The following TMEM196 variants were observed in gnomAD, a reference collection of about 807,000 sequenced individuals.
TMEM196 encodes the protein transmembrane protein 196.
TMEM196 carries 17 observed loss-of-function variants against 20.0 expected under a neutral mutation model. That is an observed-to-expected ratio of 0.85 (90% confidence interval 0.58 to 1.27). The LOEUF (loss-of-function observed/expected upper bound fraction) is 1.27. Among genes scored for constraint, TMEM196 ranks in the 50% most tolerant of loss-of-function variants. The pLI is 0.00. For synonymous variants in TMEM196, 113 were observed against 88.9 expected (o/e 1.27, Z -1.52); for missense variants, 267 against 223.0 (o/e 1.20, Z -1.26).
At chr7:19,760,248 T>C (rs1785383102) in intron 1 of TMEM196, among the ~76,000 whole-genome samples, 1 of 152,022 alleles carries the variant, frequency 6.6e-6, no homozygotes, top group South Asian at 2.1e-4. Flanking sequence ...GTCTGACTAA[T>C]GCCTCATCAT....
chr7:19,763,858 T>C (rs1263035622), intron 1 of TMEM196, among the ~76,000 whole-genome samples: 1 of 152,192 alleles, frequency 6.6e-6, no homozygotes, highest in East Asian at 1.9e-4. Context: ...AGATAAGTGA[T>C]AGTATTTCTG....
chr7:19,744,110 T>A (rs1784667954), intron 1 of TMEM196, among the ~76,000 whole-genome samples: 1 of 152,202 alleles, frequency 6.6e-6, no homozygotes, highest in African/African-American at 2.4e-5. Context: ...GGGAAGATGC[T>A]GAGTTTCTGA....
chr7:19,765,487 C>T (rs1348298781), intron 1 of TMEM196, among the ~76,000 whole-genome samples: 1 of 152,108 alleles, frequency 6.6e-6, no homozygotes, highest in Non-Finnish European at 1.5e-5. Flanking sequence ...GTTCAAGTTT[C>T]TAAGATATTA....
intron 1 of TMEM196, among the ~76,000 whole-genome samples, chr7:19,742,432 C>T (rs1426267713): frequency 1.3e-5 from 2 of 151,998 alleles, no homozygotes; most frequent in Non-Finnish European, 2.9e-5. Flanking sequence ...TTCCTTAAAC[C>T]CCAGGGCTTA....
intron 4 of TMEM196, among the ~76,000 whole-genome samples, chr7:19,723,317 T>C (rs1047559219): frequency 6.6e-6 from 1 of 152,136 alleles, no homozygotes; most frequent in African/African-American, 2.4e-5. Flanking sequence ...TTTTACCTAC[T>C]AGGAGAAAAA....
chr7:19,755,068 A>G (rs143371174), intron 1 of TMEM196, among the ~76,000 whole-genome samples: 67 of 152,336 alleles, frequency 4.4e-4, no homozygotes, highest in Middle Eastern at 3.4e-3. Context: ...GGTACATGGC[A>G]GGTGTTAATA....
chr7:19,748,178 T>C (rs1315316142), intron 1 of TMEM196, among the ~76,000 whole-genome samples: 1 of 149,066 alleles, frequency 6.7e-6, no homozygotes, highest in African/African-American at 2.5e-5. Context: ...TGCGTTTTCC[T>C]TTATAACAAA....
intron 1 of TMEM196, among the ~76,000 whole-genome samples, chr7:19,731,282 T>C (rs1784192439): frequency 1.3e-5 from 2 of 152,200 alleles, no homozygotes; most frequent in South Asian, 4.1e-4. Context: ...CTCAGAACTT[T>C]ATAAAACCTG....
At chr7:19,749,574 A>G (rs1784883747) in intron 1 of TMEM196, among the ~76,000 whole-genome samples, 1 of 152,156 alleles carries the variant, frequency 6.6e-6, no homozygotes, top group East Asian at 1.9e-4. Flanking sequence ...ATGGAACATG[A>G]TGTTATGGGA....
chr7:19,764,429 A>G (rs773522068), intron 1 of TMEM196, among the ~76,000 whole-genome samples: 7 of 152,138 alleles, frequency 4.6e-5, no homozygotes, highest in Non-Finnish European at 7.4e-5. Flanking sequence ...TTACATGAAC[A>G]TGTCTCACCC....
At chr7:19,747,262 T>A (rs60412787) in intron 1 of TMEM196, among the ~76,000 whole-genome samples, 32,207 of 137,108 alleles carry the variant, frequency 0.23, 5,042 homozygotes, top group East Asian at 0.48. Flanking sequence ...CTCAAAAAAA[T>A]AAATAAATAA....
At chr7:19,738,153 T>G (rs974701355) in intron 1 of TMEM196, among the ~76,000 whole-genome samples, 1 of 152,046 alleles carries the variant, frequency 6.6e-6, no homozygotes, top group East Asian at 1.9e-4. Context: ...AGTTGTTTCC[T>G]ACAGGGTTAC....
At chr7:19,730,975 A>G (rs1391389431) in intron 1 of TMEM196, among the ~76,000 whole-genome samples, 1 of 152,224 alleles carries the variant, frequency 6.6e-6, no homozygotes, top group East Asian at 1.9e-4. Context: ...AATTAATGTA[A>G]AATTGAGTAT....
At chr7:19,767,718 A>C (rs187653272) in intron 1 of TMEM196, among the ~76,000 whole-genome samples, 127 of 152,106 alleles carry the variant, frequency 8.3e-4, no homozygotes, top group African/African-American at 2.6e-3. Context: ...TAGGAGCAGC[A>C]TTTTCATCTT....
chr7:19,747,770 T>C (rs1256005677), intron 1 of TMEM196, among the ~76,000 whole-genome samples: 2 of 152,230 alleles, frequency 1.3e-5, no homozygotes, highest in East Asian at 3.8e-4. Flanking sequence ...ATTTTGTTAG[T>C]GTGGTAACAG....
At position 19,772,894 on chromosome 7, in the gene TMEM196, G is replaced by T; in HGVS notation, c.-198C>A. The T allele has an allele frequency of 2.3e-6, 1 of 439,512 alleles. No individual in the cohort carries two copies. The allele number at this position is 439,512 out of a possible 1,614,324, so 27.2% of individuals were successfully genotyped here. A position where few individuals can be genotyped will look rare whatever the true frequency, so the allele number is the denominator to read the frequency against. On this transcript the variant is annotated 5_prime_UTR_variant, in exon 1 of 5. Coordinates refer to ENST00000405844, the MANE Select transcript of TMEM196 (RefSeq NM_001363562.2). ...TGGCTGGGCCAGAGGCAAAGGAGCT[G>T]CTCCACCCCCTGGCACGTTCAGATA... is the stretch of plus-strand genomic sequence containing the variant.
intron 1 of TMEM196, among the ~76,000 whole-genome samples, chr7:19,766,448 A>G (rs557150707): frequency 1.8e-4 from 28 of 151,840 alleles, no homozygotes; most frequent in Non-Finnish European, 3.5e-4. Context: ...AAATATTTAG[A>G]CCAATGCTGG....
chr7:19,768,746 A>G (rs1191536671), intron 1 of TMEM196, among the ~76,000 whole-genome samples: 1 of 152,224 alleles, frequency 6.6e-6, no homozygotes, highest in Non-Finnish European at 1.5e-5. Context: ...TTCTTTCTCT[A>G]TGAAATTATA....
chr7:19,765,227 T>C (rs1785581637), intron 1 of TMEM196, among the ~76,000 whole-genome samples: 1 of 152,220 alleles, frequency 6.6e-6, no homozygotes, highest in Non-Finnish European at 1.5e-5. Context: ...ATCTCCCAAG[T>C]TGATCTATTT....
Sources: allele counts gnomAD v4.1 joint callset (sites outside exome capture counted in the v4.1 genomes callset), GRCh38; gene constraint gnomAD v4.1.1; transcripts MANE v1.5; gene names NCBI Gene and HGNC (gene_info 2026-07-23, HGNC 2026-07-21).